The following MYOM2 variants were observed in gnomAD, a reference collection of about 807,000 sequenced individuals.
The protein encoded by MYOM2 is myomesin 2, also known as myomesin-2.
MYOM2 carries 254 observed loss-of-function variants against 187.6 expected under a neutral mutation model. That is an observed-to-expected ratio of 1.35 (90% CI 1.22 to 1.50). The LOEUF (loss-of-function observed/expected upper bound fraction) is 1.50, where lower values mean the gene tolerates loss of function less well. MYOM2 is among the 40% of genes most tolerant of loss of function. MYOM2 has a pLI of 0.00. For missense variants in MYOM2, 2,796 were observed against 1,924.0 expected (o/e 1.45, Z -8.48); for synonymous variants, 981 against 753.8 (o/e 1.30, Z -4.94).
chr8:2,110,701 A>G (rs1279910763), intron 25 of MYOM2, among the ~76,000 whole-genome samples: 1 of 152,148 alleles, frequency 6.6e-6, no homozygotes, highest in East Asian at 1.9e-4. Context: ...TTTTAGGGGA[A>G]CTGTGGGATG....
chr8:2,066,349 G>A (rs566049016), intron 6 of MYOM2, among the ~76,000 whole-genome samples: 3 of 152,200 alleles, frequency 2.0e-5, no homozygotes, highest in Admixed American at 6.5e-5. Context: ...TTTACAGACC[G>A]CCTTGCTCAC....
intron 5 of MYOM2, among the ~76,000 whole-genome samples, chr8:2,058,875 T>C (rs1447045538): frequency 6.6e-6 from 1 of 152,236 alleles, no homozygotes; most frequent in African/African-American, 2.4e-5. Context: ...TCTTATGGAA[T>C]GACAAGTCCT....
chr8:2,072,054 G>A (rs560635828), intron 8 of MYOM2, among the ~76,000 whole-genome samples: 7 of 152,312 alleles, frequency 4.6e-5, no homozygotes, highest in East Asian at 1.9e-4. Context: ...ACCTGGCTAC[G>A]GGTGTTCCAT....
Position 2,079,600 on chromosome 8 carries a change from G to C in MYOM2, c.1503G>C (p.Gln501His), listed in dbSNP as rs1239011029. The change falls in exon 13 of 37, where the codon CAG becomes CAC. Residue 501 changes from glutamine (Q) to histidine (H), a missense_variant. Gln to His is a conservative substitution (Grantham distance 24, BLOSUM62 0). Transcript: ENST00000262113. Reference protein sequence around the residue: ...LEGEKEIAIYQDDLEGDAQVP... With the variant: ...LEGEKEIAIYHDDLEGDAQVP... ...GAGAGAAGGAGATTGCCATTTATCAGGATGACCTTGAAGGTAAGTAGCACC... is the reference window on the plus strand; with the variant it reads ...GAGAGAAGGAGATTGCCATTTATCACGATGACCTTGAAGGTAAGTAGCACC... The C allele has an allele frequency of 9.9e-6, 16 of 1,614,018 alleles. No individual in the cohort carries two copies. Among genetic ancestry groups the C allele is most frequent in the Non-Finnish European group, 1.4e-5 (16 of 1,180,022 alleles).
chr8:2,063,005 C>G (rs117431193), intron 6 of MYOM2, among the ~76,000 whole-genome samples: 1 of 152,162 alleles, frequency 6.6e-6, no homozygotes, highest in Non-Finnish European at 1.5e-5. Flanking sequence ...GTCAATGATC[C>G]CCTAATATAG....
chr8:2,108,337 G>A (rs768157986), intron 23 of MYOM2, among the ~76,000 whole-genome samples: 10 of 151,068 alleles, frequency 6.6e-5, no homozygotes, highest in African/African-American at 1.7e-4. Flanking sequence ...TGAAATGAGC[G>A]GTGTGTATAT....
intron 31 of MYOM2, among the ~76,000 whole-genome samples, chr8:2,128,184 C>T (rs1021610983): frequency 6.6e-6 from 1 of 152,150 alleles, no homozygotes; most frequent in Non-Finnish European, 1.5e-5. Flanking sequence ...ACAATGCACA[C>T]CTTTGGGCAA....
At chr8:2,108,050 A>G (rs1302383212) in intron 23 of MYOM2, among the ~76,000 whole-genome samples, 2 of 152,218 alleles carry the variant, frequency 1.3e-5, no homozygotes, top group Non-Finnish European at 2.9e-5. Flanking sequence ...CCAGTTGCCA[A>G]TATGAATTTA....
Position 2,102,693 on chromosome 8 carries a change from CTA to C in MYOM2, c.2648_2649del (p.Tyr883CysfsTer39). The stretch of plus-strand genomic sequence containing the variant: ...TCTCTGACCTGCAGCAAGGTAAGAC[CTA>C]TGTCTTCAGGGTCCGGGCAGTCAAT... Reference protein sequence around the residue: ...KVSDLQQGKTYVFRVRAVNAN... With the variant: ...KVSDLQQGKTXVFRVRAVNAN... On this transcript the variant is annotated frameshift_variant, in exon 21 of 37. Transcript: ENST00000262113. LOFTEE classifies it high-confidence loss of function. 1 of 1,613,698 alleles carries C rather than the reference CTA, an allele frequency of 6.2e-7. No homozygotes were observed. Among genetic ancestry groups the C allele is most frequent in the Non-Finnish European group, 8.5e-7 (1 of 1,179,600 alleles).
intron 25 of MYOM2, among the ~76,000 whole-genome samples, chr8:2,113,150 C>T (rs942181308): frequency 6.6e-6 from 1 of 152,238 alleles, no homozygotes; most frequent in African/African-American, 2.4e-5. Context: ...GCCGGGCATC[C>T]ACACTCCCGT....
At chr8:2,100,113 T>TTCTTTCCTTCCTTCC (rs1796645805) in intron 19 of MYOM2, among the ~76,000 whole-genome samples, 71 of 62,710 alleles carry the variant, frequency 1.1e-3, no homozygotes, top group African/African-American at 3.8e-3. Context: ...TCCTTCTTTC[T>TTCTTTCCTTCCTTCC]TTCCTTCCTT....
chr8:2,086,255 G>GCC lies in MYOM2; in HGVS notation c.1644+868_1644+869dup, dbSNP rs1440655616. ...CCCCCACTGTTGTGATCTTTGCGTG[G>GCC]CCCCACTGTCATGATCTCTGGCACC... is the stretch of plus-strand genomic sequence containing the variant. On this transcript the variant is annotated intron_variant, in intron 14 of 36. Transcript: ENST00000262113. 1.0e-3 allele frequency among the ~76,000 whole-genome samples: 73 copies of GCC among 70,908 alleles called. 1 individual carries two copies. The highest frequency in any genetic ancestry group is 8.8e-4 in the Non-Finnish European group (25 of 28,430). The allele number at this position is 70,908 out of a possible 152,430, so 46.5% of individuals were successfully genotyped here.
chr8:2,109,325 A>C lies in MYOM2; in HGVS notation c.3044-70A>C, dbSNP rs1214941762. Reference sequence around the variant, plus strand: ...TAATAACTAGGATTGATATTTCCCTACAATTTGCAGGTATTCTTCCTCACA... The same window carrying C: ...TAATAACTAGGATTGATATTTCCCTCCAATTTGCAGGTATTCTTCCTCACA... On this transcript the variant is annotated intron_variant, in intron 24 of 36. Transcript: ENST00000262113. 3.8e-5 allele frequency: 56 copies of C among 1,464,654 alleles called. 2 individuals are homozygous for C. The South Asian group carries it at 7.3e-4, about 19-fold the overall frequency. 90.7% of individuals were successfully genotyped at this position (1,464,654 alleles called of 1,614,324 possible).
chr8:2,064,395 G>T (rs1207647136), intron 6 of MYOM2, among the ~76,000 whole-genome samples: 1 of 152,232 alleles, frequency 6.6e-6, no homozygotes, highest in Non-Finnish European at 1.5e-5. Flanking sequence ...CACCGTGGGG[G>T]TGACCGCGAG....
chr8:2,129,080 A>G (rs1214054642), intron 31 of MYOM2, 47 bp from the exon 32 acceptor site: 1 of 1,400,788 alleles, frequency 7.1e-7, no homozygotes, highest in Non-Finnish European at 1.0e-6. Context: ...GTGATCACAC[A>G]GCAGGCACTC....
chr8:2,089,536 A>C (rs1439294632), intron 14 of MYOM2, among the ~76,000 whole-genome samples: 6 of 152,200 alleles, frequency 3.9e-5, no homozygotes, highest in Admixed American at 3.9e-4. Context: ...ACATATCATC[A>C]TGTGTCTGAC....
chr8:2,137,102 A>T (rs1418895268), intron 32 of MYOM2, among the ~76,000 whole-genome samples: 1 of 151,388 alleles, frequency 6.6e-6, no homozygotes, highest in Non-Finnish European at 1.5e-5. Flanking sequence ...CACAGAGCAG[A>T]GGTTTGAACA....
chr8:2,096,581 G>A (rs113392829), intron 18 of MYOM2, 147 bp downstream of exon 18: 6 of 806,314 alleles, frequency 7.4e-6, no homozygotes, highest in Non-Finnish European at 1.2e-5. Context: ...TGAAGTTTTG[G>A]AGCTAAAAAG....
Position 2,116,219 on chromosome 8 carries a change from T to A in MYOM2, c.3329T>A (p.Phe1110Tyr). 1.9e-6 allele frequency: 3 copies of A among 1,609,202 alleles called. No individual in the cohort carries two copies. The highest frequency in any genetic ancestry group is 2.5e-6 in the Non-Finnish European group (3 of 1,177,920). ...TTTTTTTAAATATTGAATTTAGCAT[T>A]CAAGACTGTGCTGGAAGAGGCTGAG... Reference protein sequence around the residue: ...QSSLVLIGDAFKTVLEEAEFQ... With the variant: ...QSSLVLIGDAYKTVLEEAEFQ... The change falls in exon 27 of 37, where the codon TTC becomes TAC. Residue 1110 changes from phenylalanine to tyrosine, a missense_variant. Coordinates refer to ENST00000262113, the MANE Select transcript of MYOM2 (RefSeq NM_003970.4).
Sources: gnomAD v4.1 joint callset for allele counts (sites outside exome capture counted in the v4.1 genomes callset) on GRCh38, gnomAD v4.1.1 for gene constraint, MANE v1.5 for transcripts, NCBI Gene and HGNC (gene_info 2026-07-23, HGNC 2026-07-21) for gene names.